POLR2F: variants seen among roughly 807,000 people sequenced by gnomAD.
The protein encoded by POLR2F is DNA-directed RNA polymerases I, II, and III subunit RPABC2.
Under a neutral mutation model 22.7 loss-of-function variants are expected in POLR2F, and 12 were observed. The ratio of observed to expected loss-of-function variants is 0.53; its 90% CI spans 0.34 to 0.86. The LOEUF (loss-of-function observed/expected upper bound fraction) is 0.86, where lower values mean the gene tolerates loss of function less well. Ranked by LOEUF, POLR2F falls within the 40% of genes least tolerant of loss-of-function variation. POLR2F has a pLI of 0.02. For synonymous variants in POLR2F, 57 were observed against 66.0 expected (o/e 0.86, Z 0.66); for missense variants, 126 against 171.5 (o/e 0.73, Z 1.48).
intron 2 of POLR2F, chr22:37,957,046 C>CT: frequency 1.7e-6 from 1 of 605,276 alleles, no homozygotes; most frequent in Non-Finnish European, 3.0e-6. Context: ...CCATGTGGTC[C>CT]ACAGCCTGTG....
intron 1 of POLR2F, among the ~76,000 whole-genome samples, chr22:38,003,471 C>T (rs970997095): frequency 5.3e-5 from 8 of 152,112 alleles, no homozygotes; most frequent in Non-Finnish European, 1.2e-4. Context: ...AAGTGATCCG[C>T]CCACCTCGGC....
chr22:37,971,911 AGCCGCCGG>A (rs1932063795), downstream of POLR2F, among the ~76,000 whole-genome samples: 1 of 151,850 alleles, frequency 6.6e-6, no homozygotes, highest in Admixed American at 6.6e-5. Flanking sequence ...TGTGGGGCAT[AGCCGCCGG>A]GCTGGGGAGA....
chr22:38,036,718 C>T (rs3026677), intron 5 of POLR2F, among the ~76,000 whole-genome samples: 1 of 151,314 alleles, frequency 6.6e-6, no homozygotes, highest in Non-Finnish European at 1.5e-5. Context: ...TCAGACCACA[C>T]CATCCCCTGC....
rs901091701 is a variant in POLR2F, at chr22:37,968,956, C to G, written c.*1241C>G. ...CACCCTCCTCCAAGCCTGTGGAATC[C>G]TTTAATCAAGTTGGGTGCTGAAATT... On this transcript the variant is annotated 3_prime_UTR_variant, in exon 5 of 5. Coordinates refer to ENST00000442738, the MANE Select transcript of POLR2F (RefSeq NM_021974.5). 3.0e-6 allele frequency: 3 copies of G among 985,504 alleles called. No homozygotes were observed. Among genetic ancestry groups the G allele is most frequent in the Non-Finnish European group, 3.6e-6 (3 of 829,968 alleles). The allele number at this position is 985,504 out of a possible 1,614,324, so 61.0% of individuals were successfully genotyped here. A position where few individuals can be genotyped will look rare whatever the true frequency, so the allele number is the denominator to read the frequency against.
chr22:37,971,360 T>C (rs1016507476), downstream of POLR2F: 2 of 467,124 alleles, frequency 4.3e-6, no homozygotes, highest in Middle Eastern at 3.3e-4. Flanking sequence ...ATAAAACCCT[T>C]GGTGGAGCAC....
intron 2 of POLR2F, chr22:37,957,047 A>G: frequency 1.7e-6 from 1 of 605,582 alleles, no homozygotes; most frequent in South Asian, 2.0e-5. Flanking sequence ...CATGTGGTCC[A>G]CAGCCTGTGG....
intron 4 of POLR2F, among the ~76,000 whole-genome samples, chr22:37,976,506 G>C (rs969682397): frequency 6.6e-6 from 1 of 152,210 alleles, no homozygotes; most frequent in African/African-American, 2.4e-5. Context: ...GACTCAGAGC[G>C]TGTCCTCTGA....
chr22:37,955,915 C>T (rs1464890163), intron 1 of POLR2F, among the ~76,000 whole-genome samples: 1 of 151,906 alleles, frequency 6.6e-6, no homozygotes, highest in African/African-American at 2.4e-5. Context: ...GGACTCCTGA[C>T]CTCAAGTGAT....
chr22:37,957,105 A>C (rs1931434362), intron 2 of POLR2F, among the ~76,000 whole-genome samples: 1 of 152,204 alleles, frequency 6.6e-6, no homozygotes, highest in South Asian at 2.1e-4. Context: ...GCCTTCCTTC[A>C]TTTGGCAAAC....
At chr22:38,040,066 G>A (rs2085156152) in intron 5 of POLR2F, among the ~76,000 whole-genome samples, 1 of 152,060 alleles carries the variant, frequency 6.6e-6, no homozygotes, top group Admixed American at 6.6e-5. Flanking sequence ...TTGAGGCCAA[G>A]GAGTTGGAGA....
At chr22:37,963,835 C>T (rs1050640534) in intron 3 of POLR2F, among the ~76,000 whole-genome samples, 5 of 152,190 alleles carry the variant, frequency 3.3e-5, no homozygotes, top group African/African-American at 9.7e-5. Context: ...GGCGCGGTGG[C>T]TCACGCCTGG....
chr22:37,984,566 C>G (rs916887266), upstream of POLR2F: 4 of 145,040 alleles, frequency 2.8e-5, no homozygotes, highest in African/African-American at 1.0e-4. This position sits in a 1 kb window ranked among gnomAD's most constrained non-coding sequence, Gnocchi z 4.4. Context: ...GAGCCTGAGC[C>G]GCTGCGGAGG....
intron 1 of POLR2F, among the ~76,000 whole-genome samples, chr22:38,012,057 T>A (rs187801007): frequency 6.6e-6 from 1 of 151,740 alleles, no homozygotes; most frequent in East Asian, 1.9e-4. Context: ...GTTAAATTTA[T>A]CCCTAAGTAT....
intron 3 of POLR2F, among the ~76,000 whole-genome samples, chr22:37,966,872 C>CT (rs1221084903): frequency 6.6e-6 from 1 of 152,216 alleles, no homozygotes; most frequent in Non-Finnish European, 1.5e-5. Flanking sequence ...ACATGTCTCC[C>CT]TTTCCACCAG....
chr22:37,964,229 C>T (rs1015597693), intron 3 of POLR2F, among the ~76,000 whole-genome samples: 6 of 151,884 alleles, frequency 4.0e-5, no homozygotes, highest in Non-Finnish European at 8.8e-5. Flanking sequence ...ATGAAAGGTA[C>T]AAAGAGAGTT....
At chr22:38,008,842 A>C (rs1321746546) in intron 1 of POLR2F, among the ~76,000 whole-genome samples, 1 of 150,822 alleles carries the variant, frequency 6.6e-6, no homozygotes, top group Admixed American at 6.6e-5. Flanking sequence ...TGGGTGACAG[A>C]GTGAGATGCT....
intron 1 of POLR2F, among the ~76,000 whole-genome samples, chr22:38,006,138 G>T (rs750072874): frequency 6.6e-6 from 1 of 152,092 alleles, no homozygotes; most frequent in Admixed American, 6.6e-5. Context: ...AACCCAGGAG[G>T]TAGAGGCTGC....
downstream of POLR2F, chr22:37,970,849 C>T (rs984508342): frequency 1.6e-4 from 35 of 214,466 alleles, no homozygotes; most frequent in Non-Finnish European, 3.2e-4. Flanking sequence ...TAAAGTCCTG[C>T]TTTTATCTAA....
In POLR2F at chr22:37,980,661, C is replaced by A. The variant is rs888588635; in HGVS notation, c.293+13491C>A. On this transcript the variant is annotated intron_variant, in intron 4 of 4. Coordinates refer to the POLR2F transcript ENST00000405557. The surrounding 1 kb of genome is among the most constrained non-coding windows in gnomAD (Gnocchi z 4.1). ...AACATTACCAGCCCCAAACCCCCAACTTCGCCTCCAGCTCTAACTCCAAAC... is the reference window on the plus strand; with the variant it reads ...AACATTACCAGCCCCAAACCCCCAAATTCGCCTCCAGCTCTAACTCCAAAC... Among the ~76,000 whole-genome samples the A allele has an allele frequency of 1.3e-5, 2 of 152,232 alleles. No individual in the cohort carries two copies. Among genetic ancestry groups the A allele is most frequent in the African/African-American group, 4.8e-5 (2 of 41,464 alleles).
Sources: gnomAD v4.1 joint callset for allele counts (sites outside exome capture counted in the v4.1 genomes callset) on GRCh38, gnomAD v4.1.1 for gene constraint, Gnocchi (gnomAD v3.1) non-coding constraint, MANE v1.5 for transcripts, NCBI Gene and HGNC (gene_info 2026-07-23, HGNC 2026-07-21) for gene names.